The following PLCZ1 variants were observed in gnomAD, a reference collection of about 807,000 sequenced individuals.
PLCZ1 encodes phospholipase C zeta 1, also known as 1-phosphatidylinositol 4,5-bisphosphate phosphodiesterase zeta-1.
PLCZ1 carries 64 observed loss-of-function variants against 76.8 expected under a neutral mutation model. That is an observed-to-expected ratio of 0.83 (90% CI 0.68 to 1.03). The LOEUF is 1.03. Among genes scored for constraint, PLCZ1 ranks in the 50% least tolerant of loss-of-function variants. The pLI is 0.00. For missense variants in PLCZ1, 751 were observed against 713.7 expected (o/e 1.05, Z -0.60); for synonymous variants, 248 against 230.8 (o/e 1.07, Z -0.68).
intron 6 of PLCZ1, among the ~76,000 whole-genome samples, chr12:18,708,208 G>T (rs900402150): frequency 6.6e-6 from 1 of 151,970 alleles, no homozygotes; most frequent in Non-Finnish European, 1.5e-5. Flanking sequence ...ACCACTGTTT[G>T]GTTATCTATC....
chr12:18,686,509 C>T (rs538792359), intron 13 of PLCZ1, among the ~76,000 whole-genome samples: 2 of 151,354 alleles, frequency 1.3e-5, no homozygotes, highest in South Asian at 4.2e-4. Flanking sequence ...TATTTTAGGA[C>T]TTGTGTTCTG....
At chr12:18,677,317 C>T in the PLCZ1 span, among the ~76,000 whole-genome samples, 13 of 152,198 alleles carry the variant, frequency 8.5e-5, no homozygotes, top group African/African-American at 3.1e-4. Context: ...GCCAGGCACA[C>T]GACATAGGCT....
intron 4 of PLCZ1, 89 bp downstream of exon 4, chr12:18,723,222 A>G (rs1958549031): frequency 9.2e-6 from 11 of 1,193,024 alleles, no homozygotes; most frequent in Non-Finnish European, 1.2e-5. Flanking sequence ...CACAATTCAT[A>G]AAAATACTTT....
At chr12:18,706,143 G>C (rs1391451337) in intron 6 of PLCZ1, among the ~76,000 whole-genome samples, 1 of 151,142 alleles carries the variant, frequency 6.6e-6, no homozygotes, top group Non-Finnish European at 1.5e-5. Context: ...TGAGGCAGGA[G>C]AATTGCTTGA....
At chr12:18,670,579 C>A in the PLCZ1 span, among the ~76,000 whole-genome samples, 11 of 152,190 alleles carry the variant, frequency 7.2e-5, no homozygotes, top group Non-Finnish European at 1.6e-4. Context: ...AACTTCCTTT[C>A]TGCAGGGTTA....
At chr12:18,680,094 A>G (rs1952277175), downstream of PLCZ1, among the ~76,000 whole-genome samples, 1 of 152,042 alleles carries the variant, frequency 6.6e-6, no homozygotes, top group Admixed American at 6.6e-5. Flanking sequence ...TTGGAAAGTA[A>G]TGTAATTAAA....
the PLCZ1 span, among the ~76,000 whole-genome samples, chr12:18,677,284 C>A: frequency 1.2e-3 from 185 of 152,020 alleles, no homozygotes; most frequent in Non-Finnish European, 2.5e-3. Context: ...AGATGGCGAG[C>A]AAGACAGTTT....
At chr12:18,693,812 C>T (rs576400153) in intron 12 of PLCZ1, 165 of 1,521,836 alleles carry the variant, frequency 1.1e-4, no homozygotes, top group Admixed American at 8.5e-4. Flanking sequence ...CAGACCAGGC[C>T]GCATTGGCAG....
At chr12:18,681,948 G>A (rs79689240), downstream of PLCZ1, among the ~76,000 whole-genome samples, 2,574 of 152,082 alleles carry the variant, frequency 0.017, 40 homozygotes, top group Middle Eastern at 0.051. Context: ...TTAGGGAAGG[G>A]TAAAGCGTTG....
intron 12 of PLCZ1, chr12:18,693,360 C>T (rs1216636007): frequency 9.4e-6 from 15 of 1,599,250 alleles, no homozygotes; most frequent in East Asian, 2.2e-5. Flanking sequence ...CAACCAAATT[C>T]GGGAAATTAA....
rs762907350 is a variant in PLCZ1 at position 18,736,370 on chromosome 12, A to G, written c.12-26T>C. 5 of 1,605,150 alleles carry G rather than the reference A, an allele frequency of 3.1e-6. No individual in the cohort carries two copies. In the African/African-American group the frequency reaches 4.0e-5, roughly 13 times the overall value. ...GTAGAAGCACAAAAAAGTTAAGGAA[A>G]TTCTCACAGAAAGTCATTGAATATT... On this transcript the variant is annotated intron_variant, in intron 2 of 14. Transcript: ENST00000266505.
chr12:18,708,415 T>G (rs957601524), intron 6 of PLCZ1, among the ~76,000 whole-genome samples: 3 of 152,362 alleles, frequency 2.0e-5, no homozygotes, highest in African/African-American at 7.2e-5. Flanking sequence ...TGTCTGTCAA[T>G]GAACACTAGG....
the PLCZ1 span, among the ~76,000 whole-genome samples, chr12:18,650,319 C>CTA: frequency 4.7e-4 from 45 of 96,738 alleles, no homozygotes; most frequent in Non-Finnish European, 6.2e-4. Context: ...CTCTCTCTCT[C>CTA]TCTCTCTCTC....
the PLCZ1 span, among the ~76,000 whole-genome samples, chr12:18,650,747 TATATATATATATATATA>T: frequency 1.9e-5 from 1 of 53,594 alleles, no homozygotes; most frequent in African/African-American, 1.2e-4. Context: ...TATATATATA[TATATATATATATATATA>T]TTCCAGTCCA....
Position 18,689,394 on chromosome 12 carries a change from G to A in PLCZ1, c.1462-1176C>T, listed in dbSNP as rs148615429. 9.6e-3 allele frequency among the ~76,000 whole-genome samples: 1,457 copies of A among 152,238 alleles called. 20 individuals carry two copies. Among genetic ancestry groups the A allele is most frequent in the African/African-American group, 0.029 (1,221 of 41,538 alleles). ...TGTGGCCCATGGTGGCTTTGAATGC[G>A]GCCCAACGCAAATTCATAAACTTTC... On this transcript the variant is annotated intron_variant, in intron 12 of 14. Coordinates refer to ENST00000266505, the MANE Select transcript of PLCZ1 (RefSeq NM_033123.4).
intron 10 of PLCZ1, among the ~76,000 whole-genome samples, chr12:18,698,991 C>T (rs1955512465): frequency 6.6e-6 from 1 of 152,138 alleles, no homozygotes; most frequent in African/African-American, 2.4e-5. Flanking sequence ...GTTAGTTGCT[C>T]ATTCCCTTTT....
rs1423619350 is a variant in PLCZ1, at chr12:18,701,690, AC to A, written c.949+1del. 6.2e-7 allele frequency: 1 copy of A among 1,610,488 alleles called. No homozygotes were observed. Among genetic ancestry groups the A allele is most frequent in the Non-Finnish European group, 8.5e-7 (1 of 1,178,936 alleles). On this transcript the variant is annotated splice_donor_variant, in intron 8 of 14. Transcript: ENST00000266505. LOFTEE classifies it high-confidence loss of function. ...CTTCTTCTTCCCATTCCTCCACCTTACCACGCTTATCAGAACCTTTTCTTTC... is the reference window on the plus strand; with the variant it reads ...CTTCTTCTTCCCATTCCTCCACCTTACACGCTTATCAGAACCTTTTCTTTC...
At chr12:18,651,646 T>G in the PLCZ1 span, among the ~76,000 whole-genome samples, 101 of 152,202 alleles carry the variant, frequency 6.6e-4, no homozygotes, top group African/African-American at 2.4e-3. Context: ...TCTAGGTACC[T>G]AAGGACCTTG....
intron 6 of PLCZ1, among the ~76,000 whole-genome samples, chr12:18,709,165 T>A (rs145001345): frequency 8.4e-4 from 128 of 152,284 alleles, no homozygotes; most frequent in African/African-American, 3.0e-3. Context: ...ATGTAAGTTT[T>A]TTATCCATTT....
Sources: allele counts gnomAD v4.1 joint callset (sites outside exome capture counted in the v4.1 genomes callset), GRCh38; gene constraint gnomAD v4.1.1; transcripts MANE v1.5; gene names NCBI Gene and HGNC (gene_info 2026-07-23, HGNC 2026-07-21).